Variants in SDSL observed in about 807,000 individuals in gnomAD.
SDSL encodes serine dehydratase-like.
SDSL carries 26 observed loss-of-function variants against 27.6 expected under a neutral mutation model. The observed-to-expected ratio is 0.94, with a 90% confidence interval of 0.69 to 1.31. The LOEUF (loss-of-function observed/expected upper bound fraction) is 1.31. Among genes scored for constraint, SDSL ranks in the 50% most tolerant of loss-of-function variants. SDSL has a pLI of 0.00. For synonymous variants in SDSL, 196 were observed against 180.6 expected (o/e 1.09, Z -0.69); for missense variants, 431 against 423.5 (o/e 1.02, Z -0.16).
At chr12:113,433,238 G>A (rs1438967711) in intron 4 of SDSL, among the ~76,000 whole-genome samples, 2 of 152,300 alleles carry the variant, frequency 1.3e-5, no homozygotes, top group Non-Finnish European at 2.9e-5. Context: ...CTCTCCTGCT[G>A]AAGAGTCCCC....
chr12:113,435,002 C>G (rs921371829), intron 5 of SDSL, among the ~76,000 whole-genome samples: 7 of 152,192 alleles, frequency 4.6e-5, no homozygotes, highest in Admixed American at 6.5e-5. Context: ...TTAGTCCCAG[C>G]TACTCGGGAG....
In SDSL at chr12:113,426,092, G is replaced by A. The variant is rs542007643; in HGVS notation, c.-21-1870G>A. 4.3e-5 allele frequency: 19 copies of A among 443,642 alleles called. No individual in the cohort carries two copies. In the East Asian group the frequency reaches 1.3e-3, roughly 30 times the overall value. 27.5% of individuals were successfully genotyped at this position (443,642 alleles called of 1,614,324 possible). A position where few individuals can be genotyped will look rare whatever the true frequency, so the allele number is the denominator to read the frequency against. On this transcript the variant is annotated intron_variant, in intron 1 of 7. Transcript: ENST00000403593. Reference sequence around the variant, plus strand: ...ATAACAACCAAACTCCTCTCCGTGGGCGGGAACCCCCTGCTGGCACCCTTG... The same window carrying A: ...ATAACAACCAAACTCCTCTCCGTGGACGGGAACCCCCTGCTGGCACCCTTG...
intron 1 of SDSL, 152 bp downstream of exon 1, chr12:113,422,629 T>C (rs1326510780): frequency 6.6e-6 from 1 of 152,218 alleles, no homozygotes; most frequent in Non-Finnish European, 1.5e-5. Flanking sequence ...TAGGCCCTCC[T>C]GGGAATGTCG....
At chr12:113,428,255 C>A in intron 2 of SDSL, 99 bp downstream of exon 2, 1 of 1,353,742 alleles carries the variant, frequency 7.4e-7, no homozygotes, top group Non-Finnish European at 1.0e-6. Flanking sequence ...GGAGGGGAAA[C>A]ATGAACTCGT....
At chr12:113,435,284 G>GGGTCCT (rs1463763564) in intron 5 of SDSL, 45 bp from the exon 6 acceptor site, 8 of 1,366,818 alleles carry the variant, frequency 5.9e-6, no homozygotes, top group Non-Finnish European at 7.8e-6. Context: ...ATCTGGGCTG[G>GGGTCCT]GGTCCTCCCT....
chr12:113,432,284 CT>C (rs1565879243), intron 4 of SDSL, among the ~76,000 whole-genome samples: 5 of 126,426 alleles, frequency 4.0e-5, no homozygotes, highest in African/African-American at 1.6e-4. Flanking sequence ...TTCTTTCTTT[CT>C]TTCTTTCTCT....
At position 113,429,265 on chromosome 12, in the gene SDSL, A is replaced by AG. The variant is rs1957890199; in HGVS notation, c.325dup (p.Glu109GlyfsTer35). Reference sequence around the variant, plus strand: ...TCCCTGCAGGTGGTGCAGAGGCTGCAGGGGGAGGGGGCCGAGGTTCAGCTG... The same window carrying AG: ...TCCCTGCAGGTGGTGCAGAGGCTGCAGGGGGGAGGGGGCCGAGGTTCAGCTG... On this transcript the variant is annotated frameshift_variant, in exon 4 of 8. Coordinates refer to ENST00000403593, the MANE Select transcript of SDSL (RefSeq NM_001304993.2). LOFTEE classifies it high-confidence loss of function. 1 of 1,612,876 alleles carries AG rather than the reference A, an allele frequency of 6.2e-7. No individual in the cohort carries two copies. The highest frequency in any genetic ancestry group is 1.1e-5 in the South Asian group (1 of 91,000).
intron 2 of SDSL, 59 bp downstream of exon 2, chr12:113,428,215 A>T: frequency 1.4e-6 from 2 of 1,426,460 alleles, no homozygotes; most frequent in Non-Finnish European, 1.9e-6. Context: ...GGGAAGAGTG[A>T]GGGGTGTGGG....
chr12:113,434,235 C>T lies in SDSL; in HGVS notation c.443+13C>T. ...ACCCCCTAATATGGTAAGGCTGACG[C>T]CCCTCTCCCCAGGAGTCCAGAGCTG... On this transcript the variant is annotated intron_variant, in intron 5 of 7. Transcript: ENST00000403593. 1 of 1,588,918 alleles carries T rather than the reference C, an allele frequency of 6.3e-7. No individual in the cohort carries two copies. Among genetic ancestry groups the T allele is most frequent in the Non-Finnish European group, 8.6e-7 (1 of 1,162,966 alleles).
At chr12:113,434,353 G>A (rs2136959120) in intron 5 of SDSL, 131 bp downstream of exon 5, 2 of 642,190 alleles carry the variant, frequency 3.1e-6, no homozygotes, top group East Asian at 5.5e-5. Flanking sequence ...GGCAGACATG[G>A]GTTCAGATCC....
At chr12:113,436,964 C>G in intron 7 of SDSL, 89 bp downstream of exon 7, 3 of 1,323,690 alleles carry the variant, frequency 2.3e-6, no homozygotes, top group Non-Finnish European at 3.0e-6. Context: ...TATCTGTATC[C>G]TCAGCACCAG....
At chr12:113,427,260 A>G (rs1957861111) in intron 1 of SDSL, 2 of 152,348 alleles carry the variant, frequency 1.3e-5, no homozygotes, top group African/African-American at 4.8e-5. Flanking sequence ...AAGTGTGTGT[A>G]CCATCATGCC....
chr12:113,426,675 C>T lies in SDSL; in HGVS notation c.-21-1287C>T, dbSNP rs557754275. Reference sequence around the variant, plus strand: ...TTCTTAGGCCAGATGCAGTGACTCGCGCCTGTAATCCCAGCAGTTTGGGAG... The same window carrying T: ...TTCTTAGGCCAGATGCAGTGACTCGTGCCTGTAATCCCAGCAGTTTGGGAG... On this transcript the variant is annotated intron_variant, in intron 1 of 7. Coordinates refer to ENST00000403593, the MANE Select transcript of SDSL (RefSeq NM_001304993.2). Among the ~76,000 whole-genome samples the T allele has an allele frequency of 5.3e-5, 8 of 152,268 alleles. No individual in the cohort carries two copies. The South Asian group carries it at 6.2e-4, about 12-fold the overall frequency.
chr12:113,428,555 G>C (rs1593310449), intron 3 of SDSL, 96 bp downstream of exon 3: 2 of 1,038,972 alleles, frequency 1.9e-6, no homozygotes. Context: ...CCTCTTAAAG[G>C]CCCAGCCTCA....
Position 113,438,155 on chromosome 12 carries a change from C to A in SDSL, c.*76C>A. 7.6e-7 allele frequency: 1 copy of A among 1,310,140 alleles called. No individual in the cohort carries two copies. Among genetic ancestry groups the A allele is most frequent in the Non-Finnish European group, 1.1e-6 (1 of 947,726 alleles). 81.2% of individuals were successfully genotyped at this position (1,310,140 alleles called of 1,614,324 possible). A position where few individuals can be genotyped will look rare whatever the true frequency, so the allele number is the denominator to read the frequency against. ...GTGTCTGGATGAGGAGGACTCAGTGCTGGCAGATGGCAGTGGAAGCTGCCC... is the reference window on the plus strand; with the variant it reads ...GTGTCTGGATGAGGAGGACTCAGTGATGGCAGATGGCAGTGGAAGCTGCCC... On this transcript the variant is annotated 3_prime_UTR_variant, in exon 8 of 8. Coordinates refer to ENST00000403593, the MANE Select transcript of SDSL (RefSeq NM_001304993.2).
chr12:113,432,274 TTCTTTCTTTCTTTCTTTCTC>T lies in SDSL; in HGVS notation c.355-1856_355-1837del, dbSNP rs1565879218. 1.6e-3 allele frequency among the ~76,000 whole-genome samples: 142 copies of T among 89,354 alleles called. 1 individual carries two copies. Among genetic ancestry groups the T allele is most frequent in the African/African-American group, 4.8e-3 (118 of 24,342 alleles). The allele number at this position is 89,354 out of a possible 152,430, so 58.6% of individuals were successfully genotyped here. On this transcript the variant is annotated intron_variant, in intron 4 of 7. Transcript: ENST00000403593. ...TTTCTTTCTTTCTTTCTTTCTTTCT[TTCTTTCTTTCTTTCTTTCTC>T]TCTCTCTCTTTCTGTCTCTCTGTCT...
At chr12:113,434,778 T>C (rs1488412659) in intron 5 of SDSL, among the ~76,000 whole-genome samples, 1 of 151,472 alleles carries the variant, frequency 6.6e-6, no homozygotes, top group African/African-American at 2.4e-5. Flanking sequence ...GCCTGGGAGG[T>C]TGATGGAGAT....
At position 113,437,976 on chromosome 12, in the gene SDSL, G is replaced by T; in HGVS notation, c.887G>T (p.Cys296Phe). Residue 296 changes from cysteine to phenylalanine, a missense_variant, in exon 8 of 8, where the codon TGC becomes TTC. Physicochemically the swap from Cys to Phe is radical, Grantham distance 205. Transcript: ENST00000403593. ...GLLRRLQAEG[C>F]LPPSLTSVVV... ...CTGCGGAGGCTCCAGGCCGAGGGCT[G>T]CCTGCCCCCTTCCCTGACTTCAGTT... 1 of 1,614,144 alleles carries T rather than the reference G, an allele frequency of 6.2e-7. No homozygotes were observed. The highest frequency in any genetic ancestry group is 8.5e-7 in the Non-Finnish European group (1 of 1,179,984).
At chr12:113,422,895 C>T (rs972861388) in intron 1 of SDSL, 1 of 152,276 alleles carries the variant, frequency 6.6e-6, no homozygotes, top group Non-Finnish European at 1.5e-5. Context: ...CAGGTAAGGC[C>T]CAGTGACAAA....
Sources: allele counts gnomAD v4.1 joint callset (sites outside exome capture counted in the v4.1 genomes callset), GRCh38; gene constraint gnomAD v4.1.1; transcripts MANE v1.5; gene names NCBI Gene and HGNC (gene_info 2026-07-23, HGNC 2026-07-21).